Variants in IGFBP2 observed in about 807,000 individuals in gnomAD.
IGFBP2 encodes the protein insulin-like growth factor-binding protein 2.
Under a neutral mutation model 26.2 loss-of-function variants are expected in IGFBP2, and 12 were observed. The observed-to-expected ratio is 0.46, with a 90% confidence interval of 0.29 to 0.74. The LOEUF is 0.74. Ranked by LOEUF, IGFBP2 falls within the 30% of genes least tolerant of loss-of-function variation. The pLI, the probability that IGFBP2 is intolerant of heterozygous loss-of-function variation, is 0.09. For missense variants in IGFBP2, 328 were observed against 441.2 expected (o/e 0.74, Z 2.30); for synonymous variants, 189 against 200.6 (o/e 0.94, Z 0.49).
At chr2:216,641,331 T>C (rs965842850) in intron 1 of IGFBP2, among the ~76,000 whole-genome samples, 4 of 152,216 alleles carry the variant, frequency 2.6e-5, no homozygotes, top group Admixed American at 2.6e-4. Flanking sequence ...CATGTACTAA[T>C]CACCCAAGGT....
intron 1 of IGFBP2, among the ~76,000 whole-genome samples, chr2:216,639,879 G>T (rs917074604): frequency 1.3e-5 from 2 of 152,138 alleles, no homozygotes; most frequent in African/African-American, 2.4e-5. Flanking sequence ...TGGACCTCAG[G>T]TGATCCTCCC....
chr2:216,638,763 G>A (rs1697553215), intron 1 of IGFBP2, among the ~76,000 whole-genome samples: 2 of 149,530 alleles, frequency 1.3e-5, no homozygotes, highest in African/African-American at 2.5e-5. Context: ...GCAGTGGTGC[G>A]ATCTCGGCTC....
intron 3 of IGFBP2, 109 bp from the exon 4 acceptor site, chr2:216,663,831 C>A: frequency 1.7e-6 from 2 of 1,156,464 alleles, no homozygotes; most frequent in Non-Finnish European, 1.2e-6. Context: ...CTCCACCCGG[C>A]AGCGCATGGG....
At chr2:216,659,632 G>A in intron 1 of IGFBP2, 1 of 1,052,786 alleles carries the variant, frequency 9.5e-7, no homozygotes, top group Non-Finnish European at 1.4e-6. Context: ...GTGGCAGGCT[G>A]GAGCTGTTTT....
chr2:216,633,132 C>G (rs1160837007), upstream of IGFBP2: 1 of 152,394 alleles, frequency 6.6e-6, no homozygotes. Flanking sequence ...AAAGCACGCG[C>G]TCTTCTCCAC....
intron 1 of IGFBP2, among the ~76,000 whole-genome samples, chr2:216,653,359 G>A (rs562715359): frequency 2.8e-4 from 43 of 152,310 alleles, no homozygotes; most frequent in South Asian, 1.5e-3. Context: ...CAACAAACAG[G>A]ATTACATTGG....
chr2:216,635,619 T>C (rs1012523376), intron 1 of IGFBP2, among the ~76,000 whole-genome samples: 9 of 140,126 alleles, frequency 6.4e-5, no homozygotes, highest in Non-Finnish European at 1.3e-4. Context: ...TTTTTTTTTT[T>C]CCTACTCTTC....
chr2:216,664,309 C>G lies in IGFBP2; in HGVS notation c.*205C>G. ...CAGATGCCACACCTGCTCCTTCTTG[C>G]TTTCCCCGGGGGAGGAAGGGGGTTG... On this transcript the variant is annotated 3_prime_UTR_variant, in exon 4 of 4. Transcript: ENST00000233809. This position sits in a 1 kb window ranked among gnomAD's most constrained non-coding sequence, Gnocchi z 4.6. The G allele has an allele frequency of 2.3e-6, 1 of 428,120 alleles. No individual in the cohort carries two copies. Among genetic ancestry groups the G allele is most frequent in the Non-Finnish European group, 4.1e-6 (1 of 243,692 alleles). 26.5% of individuals were successfully genotyped at this position (428,120 alleles called of 1,614,324 possible).
At chr2:216,638,922 G>A (rs1697558182) in intron 1 of IGFBP2, among the ~76,000 whole-genome samples, 1 of 151,312 alleles carries the variant, frequency 6.6e-6, no homozygotes, top group Non-Finnish European at 1.5e-5. Context: ...GGATGGTCTC[G>A]ATCTCCTGAC....
intron 1 of IGFBP2, among the ~76,000 whole-genome samples, chr2:216,649,275 A>G (rs890222981): frequency 4.6e-5 from 7 of 152,182 alleles, no homozygotes; most frequent in Non-Finnish European, 1.0e-4. Context: ...TAACTGCTAT[A>G]TATTGTTCCT....
At chr2:216,639,002 G>A (rs1237281515) in intron 1 of IGFBP2, among the ~76,000 whole-genome samples, 1 of 147,318 alleles carries the variant, frequency 6.8e-6, no homozygotes, top group Non-Finnish European at 1.5e-5. Context: ...TGCCCGACCA[G>A]GCTAATTTTT....
intron 1 of IGFBP2, among the ~76,000 whole-genome samples, chr2:216,653,704 A>C (rs993838603): frequency 2.0e-5 from 3 of 152,058 alleles, no homozygotes; most frequent in Admixed American, 1.3e-4. Flanking sequence ...CAGTCTACCC[A>C]AGGCAGGGGT....
intron 1 of IGFBP2, among the ~76,000 whole-genome samples, chr2:216,654,376 A>G (rs9341180): frequency 1.8e-4 from 28 of 152,202 alleles, no homozygotes; most frequent in African/African-American, 6.3e-4. Flanking sequence ...CCAGTTGCCC[A>G]TAGGAGGTGC....
intron 3 of IGFBP2, 137 bp downstream of exon 3, chr2:216,662,135 G>T: frequency 1.0e-6 from 1 of 999,440 alleles, no homozygotes; most frequent in Non-Finnish European, 1.5e-6. Flanking sequence ...GTCACCATGG[G>T]GATTGGGATG....
intron 2 of IGFBP2, chr2:216,661,223 C>T: frequency 3.7e-6 from 1 of 271,734 alleles, no homozygotes; most frequent in Admixed American, 5.1e-5. Context: ...CTTCCTCAGC[C>T]TCCTGAACAG....
chr2:216,646,931 C>A (rs935930248), intron 1 of IGFBP2, among the ~76,000 whole-genome samples: 2 of 152,166 alleles, frequency 1.3e-5, no homozygotes, highest in Non-Finnish European at 2.9e-5. Flanking sequence ...TGAGCACATG[C>A]TGTGTGTCAG....
At position 216,639,898 on chromosome 2, in the gene IGFBP2, C is replaced by G. The variant is rs1344423454; in HGVS notation, c.442+5933C>G. ...CCTCAGGTGATCCTCCCGCCTTGGC[C>G]TCCCAAAGTGCTGTGAGTACAGGCG... On this transcript the variant is annotated intron_variant, in intron 1 of 3. Transcript: ENST00000233809. Among the ~76,000 whole-genome samples the G allele has an allele frequency of 3.9e-5, 6 of 152,322 alleles. No individual in the cohort carries two copies. The South Asian group carries it at 6.2e-4, about 16-fold the overall frequency.
chr2:216,645,231 AGGG>A (rs1697688055), intron 1 of IGFBP2, among the ~76,000 whole-genome samples: 4 of 152,108 alleles, frequency 2.6e-5, no homozygotes, highest in Admixed American at 2.6e-4. Flanking sequence ...GGCAGGATAA[AGGG>A]GGTGGGGGTA....
intron 1 of IGFBP2, 93 bp from the exon 2 acceptor site, chr2:216,660,464 C>T: frequency 1.1e-6 from 1 of 891,654 alleles, no homozygotes; most frequent in Non-Finnish European, 1.7e-6. Context: ...GTCATCTCCA[C>T]CCTCATCATC....
Sources: gnomAD v4.1 joint callset for allele counts (sites outside exome capture counted in the v4.1 genomes callset) on GRCh38, gnomAD v4.1.1 for gene constraint, Gnocchi (gnomAD v3.1) non-coding constraint, MANE v1.5 for transcripts, NCBI Gene and HGNC (gene_info 2026-07-23, HGNC 2026-07-21) for gene names.